Variants in FYB1 observed in about 807,000 individuals in gnomAD.
FYB1 encodes FYN binding protein 1.
FYB1 carries 41 observed loss-of-function variants against 94.1 expected under a neutral mutation model. The observed-to-expected ratio is 0.44, with a 90% CI of 0.34 to 0.57. The LOEUF is 0.57. FYB1 is among the 20% of genes least tolerant of loss of function. The probability of loss-of-function intolerance (pLI) is 0.02; values close to 1 mark genes in which losing one functional copy is unlikely to be tolerated. For synonymous variants in FYB1, 367 were observed against 353.2 expected, an observed-to-expected ratio of 1.04 and a Z score of -0.44; for missense variants, 1,050 against 976.8, an observed-to-expected ratio of 1.07 and a Z score of -1.00.
chr5:39,237,387 C>T (rs536942184), intron 1 of FYB1, among the ~76,000 whole-genome samples: 5 of 152,022 alleles, frequency 3.3e-5, no homozygotes, highest in African/African-American at 4.8e-5. Flanking sequence ...TTGGGCTTCG[C>T]AGTCTGTGGG....
chr5:39,207,604 C>T (rs975293494), intron 1 of FYB1, among the ~76,000 whole-genome samples: 21 of 152,228 alleles, frequency 1.4e-4, no homozygotes, highest in African/African-American at 3.9e-4. Flanking sequence ...GAAAGAAAAT[C>T]GTCCCTTTTG....
At chr5:39,265,982 T>G (rs1752422366) in intron 1 of FYB1, among the ~76,000 whole-genome samples, 1 of 151,664 alleles carries the variant, frequency 6.6e-6, no homozygotes, top group Admixed American at 6.6e-5. Flanking sequence ...TTTACTGTTT[T>G]TTTTTTTTTT....
upstream of FYB1, among the ~76,000 whole-genome samples, chr5:39,220,417 G>GA (rs58076166): frequency 3.9e-3 from 429 of 109,032 alleles, 5 homozygotes; most frequent in East Asian, 0.042. Flanking sequence ...CTGTCTGAAG[G>GA]AAAAAAAAAA....
intron 2 of FYB1, among the ~76,000 whole-genome samples, chr5:39,184,450 G>A (rs963728689): frequency 2.6e-5 from 4 of 152,064 alleles, no homozygotes; most frequent in East Asian, 3.9e-4. Flanking sequence ...AAGTTAAACG[G>A]GCTATTTTGG....
chr5:39,138,966 A>C, intron 5 of FYB1: 1 of 545,214 alleles, frequency 1.8e-6, no homozygotes, highest in Non-Finnish European at 3.2e-6. Context: ...GAAAGCAAAA[A>C]CAAAATTTCC....
At chr5:39,108,112 C>T in intron 18 of FYB1, 119 bp downstream of exon 18, 1 of 947,268 alleles carries the variant, frequency 1.1e-6, no homozygotes, top group Non-Finnish European at 1.5e-6. Context: ...CTAACATTTT[C>T]AAGTGATTCA....
intron 11 of FYB1, 80 bp from the exon 12 acceptor site, chr5:39,126,215 T>C (rs1561141545): frequency 2.2e-6 from 3 of 1,389,688 alleles, no homozygotes; most frequent in Non-Finnish European, 2.9e-6. Context: ...AGATTCTTTA[T>C]AATCATTAAT....
intron 1 of FYB1, among the ~76,000 whole-genome samples, chr5:39,258,379 C>A (rs984157166): frequency 1.3e-5 from 2 of 152,124 alleles, no homozygotes; most frequent in Non-Finnish European, 2.9e-5. Flanking sequence ...GTAGGCAGAT[C>A]ACCTGAGGTC....
intron 1 of FYB1, among the ~76,000 whole-genome samples, chr5:39,217,283 G>GA (rs528166355): frequency 3.3e-4 from 51 of 152,264 alleles, no homozygotes; most frequent in South Asian, 1.7e-3. Context: ...TTTGAGAAAG[G>GA]AAAAAATCCT....
chr5:39,191,242 T>G (rs1199092709), intron 2 of FYB1, among the ~76,000 whole-genome samples: 2 of 152,188 alleles, frequency 1.3e-5, no homozygotes, highest in Non-Finnish European at 2.9e-5. Context: ...ATTCTTCTGA[T>G]AATTATAAGA....
At chr5:39,251,122 G>A (rs184178418) in intron 1 of FYB1, among the ~76,000 whole-genome samples, 1 of 152,238 alleles carries the variant, frequency 6.6e-6, no homozygotes, top group African/African-American at 2.4e-5. Context: ...AACCTTGAGT[G>A]ATTTGTTGTT....
At chr5:39,188,574 C>T (rs260330) in intron 2 of FYB1, among the ~76,000 whole-genome samples, 3,821 of 108,150 alleles carry the variant, frequency 0.035, 213 homozygotes, top group African/African-American at 0.12. Context: ...GACAGAGTTT[C>T]GCTCTTGTTG....
chr5:39,172,090 A>C (rs1423867559), intron 2 of FYB1, among the ~76,000 whole-genome samples: 1 of 152,206 alleles, frequency 6.6e-6, no homozygotes, highest in East Asian at 1.9e-4. Flanking sequence ...CCAATTTTCT[A>C]CACAGAAAGG....
intron 4 of FYB1, among the ~76,000 whole-genome samples, chr5:39,140,685 T>C (rs1212077631): frequency 6.6e-6 from 1 of 152,182 alleles, no homozygotes; most frequent in Non-Finnish European, 1.5e-5. Context: ...AAGTGAAATG[T>C]GGATGCATAC....
chr5:39,118,589 T>C (rs945324204), intron 16 of FYB1, among the ~76,000 whole-genome samples: 2 of 152,198 alleles, frequency 1.3e-5, no homozygotes, highest in African/African-American at 4.8e-5. Flanking sequence ...GCAAGGGCTT[T>C]CTGATGCTGA....
chr5:39,147,452 C>CTCTGTGTG (rs1554026377), intron 3 of FYB1, among the ~76,000 whole-genome samples: 2 of 144,516 alleles, frequency 1.4e-5, no homozygotes, highest in African/African-American at 5.2e-5. Context: ...GTACATATGC[C>CTCTGTGTG]TGTGTGTGTG....
chr5:39,203,987 C>CA lies in FYB1; in HGVS notation c.-27-1001dup, dbSNP rs143006511. 8.2e-3 allele frequency among the ~76,000 whole-genome samples: 1,248 copies of CA among 152,134 alleles called. 18 individuals are homozygous for CA. Among genetic ancestry groups the CA allele is most frequent in the African/African-American group, 0.027 (1,130 of 41,486 alleles). On this transcript the variant is annotated intron_variant, in intron 1 of 18. Coordinates refer to ENST00000512982, the MANE Select transcript of FYB1 (RefSeq NM_001465.6). ...AGAAATATTTCAAAATTGGAGGCTT[C>CA]AAAAAAATCACTGAAGTTAACCAAT...
intron 3 of FYB1, among the ~76,000 whole-genome samples, chr5:39,152,429 G>T (rs1743326889): frequency 6.6e-6 from 1 of 152,086 alleles, no homozygotes; most frequent in Non-Finnish European, 1.5e-5. Context: ...TAAGTATTTT[G>T]TTGTAAGGAA....
chr5:39,265,962 A>G (rs1341446307), intron 1 of FYB1, among the ~76,000 whole-genome samples: 1 of 150,992 alleles, frequency 6.6e-6, no homozygotes, highest in Non-Finnish European at 1.5e-5. Context: ...CAGAAACCCC[A>G]AACACAATTT....
Sources: allele counts gnomAD v4.1 joint callset (sites outside exome capture counted in the v4.1 genomes callset), GRCh38; gene constraint gnomAD v4.1.1; transcripts MANE v1.5; gene names NCBI Gene and HGNC (gene_info 2026-07-23, HGNC 2026-07-21).